Variants in FGA observed in about 807,000 individuals in gnomAD.
FGA encodes fibrinogen, A alpha polypeptide.
A neutral mutation model predicts 20.3 loss-of-function variants in FGA; 20 were observed. The observed-to-expected ratio is 0.99, with a 90% confidence interval of 0.69 to 1.43. The LOEUF is 1.43. FGA is among the 40% of genes most tolerant of loss of function. The pLI is 0.00. For missense variants in FGA, 777 were observed against 784.7 expected (o/e 0.99, Z 0.12); for synonymous variants, 306 against 281.6 (o/e 1.09, Z -0.87).
At position 154,585,502 on chromosome 4, in the gene FGA, A is replaced by G. The variant is rs868016661; in HGVS notation, c.1927T>C (p.Ser643Pro). The G allele has an allele frequency of 6.3e-7, 1 of 1,579,882 alleles. No homozygotes were observed. Among genetic ancestry groups the G allele is most frequent in the Middle Eastern group, 1.7e-4 (1 of 5,982 alleles). The change falls in exon 5 of 5, where the codon TCC (serine) becomes CCC (proline). Residue 643 changes from serine (S) to proline (P), a missense_variant. Ser to Pro is a moderately conservative substitution (Grantham distance 74). Transcript: ENST00000403106. ...GAAATATTTAACTTAGTCTAGGGGG[A>G]CAGGGAAGGCTTCCCCAAAGGAGAA... is the stretch of plus-strand genomic sequence containing the variant. ...HTSPLGKPSLSP is the reference protein window; with the variant it reads ...HTSPLGKPSLPP
chr4:154,585,504 A>C lies in FGA; in HGVS notation c.1925T>G (p.Leu642Arg). ...AATATTTAACTTAGTCTAGGGGGAC[A>C]GGGAAGGCTTCCCCAAAGGAGAAGT... ...IHTSPLGKPS[L>R]SP Residue 642 changes from leucine (L) to arginine (R), a missense_variant, in exon 5 of 5, where the codon CTG (leucine) becomes CGG (arginine). By Grantham distance (102) the Leu-to-Arg change is moderately radical. Transcript: ENST00000403106. 1.3e-6 allele frequency: 2 copies of C among 1,588,874 alleles called. No individual in the cohort carries two copies. The highest frequency in any genetic ancestry group is 1.7e-6 in the Non-Finnish European group (2 of 1,157,064).
chr4:154,589,545 T>A lies in FGA; in HGVS notation c.72A>T (p.Glu24Asp). The change falls in exon 2 of 5, where the codon GAA becomes GAT. Residue 24 changes from glutamate (E) to aspartate (D), a missense_variant. Coordinates refer to ENST00000403106, the MANE Select transcript of FGA (RefSeq NM_021871.4). Reference protein sequence around the residue: ...VGTAWTADSGEGDFLAEGGGV... With the variant: ...VGTAWTADSGDGDFLAEGGGV... ...CTCCTCCTTCAGCTAGAAAGTCACCTTCACCACTATCTGCAGTCTTTAAAG... is the reference window on the plus strand; with the variant it reads ...CTCCTCCTTCAGCTAGAAAGTCACCATCACCACTATCTGCAGTCTTTAAAG... 6.2e-7 allele frequency: 1 copy of A among 1,613,584 alleles called. No individual in the cohort carries two copies. The highest frequency in any genetic ancestry group is 8.5e-7 in the Non-Finnish European group (1 of 1,179,966).
In FGA at chr4:154,586,855, C is replaced by T. The variant is rs1283170104; in HGVS notation, c.574G>A (p.Val192Ile). Residue 192 changes from valine (V) to isoleucine (I), a missense_variant, in exon 5 of 5, where the codon GTA becomes ATA. Val to Ile is a conservative substitution (Grantham distance 29). Coordinates refer to ENST00000403106, the MANE Select transcript of FGA (RefSeq NM_021871.4). ...TGATCTTCATAGTCCTTCAGATCTACTTCACGAGCTAAAGCCCTACTGCAT... is the reference window on the plus strand; with the variant it reads ...TGATCTTCATAGTCCTTCAGATCTATTTCACGAGCTAAAGCCCTACTGCAT... ...GSCSRALAREVDLKDYEDQQK... is the reference protein window; with the variant it reads ...GSCSRALAREIDLKDYEDQQK... 1 of 1,614,028 alleles carries T rather than the reference C, an allele frequency of 6.2e-7. No individual in the cohort carries two copies. The highest frequency in any genetic ancestry group is 8.5e-7 in the Non-Finnish European group (1 of 1,180,008).
At position 154,586,580 on chromosome 4, in the gene FGA, C is replaced by T. The variant is rs777049670; in HGVS notation, c.849G>A (p.Thr283=). Residue 283 remains threonine, a synonymous_variant, in exon 5 of 5, where the codon ACG becomes ACA. Coordinates refer to ENST00000403106, the MANE Select transcript of FGA (RefSeq NM_021871.4). ...GSTSYGTGSE[T]ESPRNPSSAG... ...CACTGCTAGGGTTCCTGGGGCTTTC[C>T]GTCTCTGATCCGGTTCCATAAGAGG... The T allele has an allele frequency of 3.5e-5, 57 of 1,613,968 alleles. No homozygotes were observed. Among genetic ancestry groups the T allele is most frequent in the Middle Eastern group, 1.6e-4 (1 of 6,080 alleles).
chr4:154,586,570 T>C lies in FGA; in HGVS notation c.859A>G (p.Arg287Gly). 6.2e-7 allele frequency: 1 copy of C among 1,614,040 alleles called. No individual in the cohort carries two copies. Among genetic ancestry groups the C allele is most frequent in the Non-Finnish European group, 8.5e-7 (1 of 1,179,964 alleles). ...YGTGSETESP[R>G]NPSSAGSWNS... ...CAGCTTCCAGCACTGCTAGGGTTCC[T>C]GGGGCTTTCCGTCTCTGATCCGGTT... The change falls in exon 5 of 5, where the codon AGG (arginine) becomes GGG (glycine). Residue 287 changes from arginine to glycine, a missense_variant. Arg to Gly is a moderately radical substitution (Grantham distance 125, BLOSUM62 -2). Coordinates refer to ENST00000403106, the MANE Select transcript of FGA (RefSeq NM_021871.4).
chr4:154,585,837 C>G lies in FGA; in HGVS notation c.1592G>C (p.Gly531Ala), dbSNP rs1157813437. 2 of 1,613,980 alleles carry G rather than the reference C, an allele frequency of 1.2e-6. No homozygotes were observed. Among genetic ancestry groups the G allele is most frequent in the East Asian group, 4.5e-5 (2 of 44,898 alleles). ...DTASTGKTFP[G>A]FFSPMLGEFV... ...CTCTCCTAACATAGGTGAGAAGAAA[C>G]CTGGGAATGTTTTTCCAGTTGAGGC... Residue 531 changes from glycine to alanine, a missense_variant, in exon 5 of 5, where the codon GGT (glycine) becomes GCT (alanine). Transcript: ENST00000403106.
Position 154,585,541 on chromosome 4 carries a change from T to C in FGA, c.1888A>G (p.Arg630Gly). The C allele has an allele frequency of 6.2e-7, 1 of 1,614,034 alleles. No homozygotes were observed. The highest frequency in any genetic ancestry group is 2.2e-5 in the East Asian group (1 of 44,888). The change falls in exon 5 of 5, where the codon AGA (arginine) becomes GGA (glycine). Residue 630 changes from arginine to glycine, a missense_variant. Transcript: ENST00000403106. ...CCCAAAGGAGAAGTGTGGATACCTCTGACAGGGCGAGATTTAGCATGGCCT... is the reference window on the plus strand; with the variant it reads ...CCCAAAGGAGAAGTGTGGATACCTCCGACAGGGCGAGATTTAGCATGGCCT... ...KRGHAKSRPV[R>G]GIHTSPLGKP...
Position 154,585,596 on chromosome 4 carries a change from G to A in FGA, c.1833C>T (p.Ala611=), listed in dbSNP as rs758105079. The A allele has an allele frequency of 5.1e-5, 83 of 1,613,968 alleles. 1 individual carries two copies. Among genetic ancestry groups the A allele is most frequent in the Non-Finnish European group, 6.1e-5 (72 of 1,180,004 alleles). Residue 611 remains alanine, a synonymous_variant, in exon 5 of 5, where the codon GCC becomes GCT. Transcript: ENST00000403106. The part of the protein sequence containing the change: ...YKMADEAGSE[A]DHEGTHSTKR... ...TGGTGCTATGTGTTCCTTCATGATC[G>A]GCTTCACTTCCGGCCTCATCTGCCA...
chr4:154,589,686 A>G, intron 1 of FGA, 124 bp from the exon 2 acceptor site: 2 of 1,084,074 alleles, frequency 1.8e-6, no homozygotes, highest in African/African-American at 1.5e-5. Flanking sequence ...AGGAGAGCAG[A>G]CACAGGGCTT....
chr4:154,586,131 A>G lies in FGA; in HGVS notation c.1298T>C (p.Leu433Pro), dbSNP rs1553964093. The G allele has an allele frequency of 6.2e-7, 1 of 1,614,124 alleles. No homozygotes were observed. The highest frequency in any genetic ancestry group is 1.1e-5 in the South Asian group (1 of 91,082). Residue 433 changes from leucine to proline, a missense_variant, in exon 5 of 5, where the codon CTG becomes CCG. Coordinates refer to ENST00000403106, the MANE Select transcript of FGA (RefSeq NM_021871.4). ...GTRREYHTEK[L>P]VTSKGDKELR... The stretch of plus-strand genomic sequence containing the variant: ...CTCTTTATCTCCTTTAGAAGTGACC[A>G]GTTTTTCTGTGTGGTACTCTCTCCT...
At chr4:154,589,613 A>G (rs1418268733) in intron 1 of FGA, 51 bp from the exon 2 acceptor site, 1 of 1,601,908 alleles carries the variant, frequency 6.2e-7, no homozygotes, top group Non-Finnish European at 8.5e-7. Context: ...AATGTTAGCC[A>G]GAAGAGGAGA....
intron 1 of FGA, 152 bp downstream of exon 1, chr4:154,590,482 G>A (rs1730841948): frequency 7.1e-6 from 5 of 707,480 alleles, no homozygotes; most frequent in Admixed American, 4.1e-5. Context: ...TATTCTTGAG[G>A]TGTCAAGCCC....
intron 1 of FGA, 115 bp downstream of exon 1, chr4:154,590,519 G>A: frequency 1.1e-6 from 1 of 900,358 alleles, no homozygotes; most frequent in Admixed American, 2.0e-5. Flanking sequence ...CCCAGGCCTG[G>A]GGTCATAAAG....
rs200299414 is a variant in FGA at position 154,586,822 on chromosome 4, G to A, written c.607C>T (p.Gln203Ter). Residue 203 changes from glutamine to a stop codon, truncating the protein, a stop_gained, in exon 5 of 5, where the codon CAA becomes TAA. Coordinates refer to ENST00000403106, the MANE Select transcript of FGA (RefSeq NM_021871.4). LOFTEE classifies it low-confidence loss of function (END_TRUNC). ...DLKDYEDQQKQLEQVIAKDLL... is the reference protein window; with the variant it reads ...DLKDYEDQQK ...TCTTTGGCAATGACCTGTTCAAGTT[G>A]CTTCTGCTGATCTTCATAGTCCTTC... 1.2e-6 allele frequency: 2 copies of A among 1,614,154 alleles called. No individual in the cohort carries two copies. The highest frequency in any genetic ancestry group is 4.5e-5 in the East Asian group (2 of 44,880).
At chr4:154,585,248 A>T, downstream of FGA, 1 of 1,343,884 alleles carries the variant, frequency 7.4e-7, no homozygotes, top group Non-Finnish European at 9.6e-7. Flanking sequence ...ATTTGACTAA[A>T]TAAGCTCAAA....
chr4:154,584,503 T>A (rs781434450), downstream of FGA: 13 of 1,614,004 alleles, frequency 8.1e-6, no homozygotes, highest in South Asian at 1.4e-4. Context: ...TACCCGGAAG[T>A]GATATTCTGC....
At chr4:154,587,957 G>A (rs1730779720) in intron 3 of FGA, among the ~76,000 whole-genome samples, 1 of 152,136 alleles carries the variant, frequency 6.6e-6, no homozygotes, top group Non-Finnish European at 1.5e-5. Context: ...TGTCCTAATA[G>A]CAATTAGTAA....
intron 2 of FGA, 77 bp downstream of exon 2, chr4:154,589,360 G>T: frequency 6.4e-7 from 1 of 1,570,186 alleles, no homozygotes. Flanking sequence ...AAAGTTTCTG[G>T]GACCAATCAG....
At chr4:154,590,426 C>T (rs1002357742) in intron 1 of FGA, among the ~76,000 whole-genome samples, 4 of 152,106 alleles carry the variant, frequency 2.6e-5, no homozygotes, top group Non-Finnish European at 5.9e-5. Flanking sequence ...TGAGTTTGTA[C>T]ACTCTCATCC....
Sources: gnomAD v4.1 joint callset for allele counts (sites outside exome capture counted in the v4.1 genomes callset) on GRCh38, gnomAD v4.1.1 for gene constraint, MANE v1.5 for transcripts, NCBI Gene and HGNC (gene_info 2026-07-23, HGNC 2026-07-21) for gene names.